Variants in LINGO2 observed in about 807,000 individuals in gnomAD.
LINGO2 encodes the protein leucine-rich repeat and immunoglobulin-like domain-containing nogo receptor-interacting protein 2.
In LINGO2, 14 loss-of-function variants were observed where a neutral mutation model predicts 30.6. The ratio of observed to expected loss-of-function variants is 0.46; its 90% CI spans 0.30 to 0.72. LINGO2 has a LOEUF of 0.72. Ranked by LOEUF, LINGO2 falls within the 30% of genes least tolerant of loss-of-function variation. The probability of loss-of-function intolerance (pLI) is 0.07; values close to 1 mark genes in which losing one functional copy is unlikely to be tolerated. For missense variants in LINGO2, 729 were observed against 751.7 expected (o/e 0.97, Z 0.35); for synonymous variants, 317 against 288.5 (o/e 1.10, Z -1.00).
chr9:28,103,149 G>C (rs977043795), intron 4 of LINGO2, among the ~76,000 whole-genome samples: 17 of 152,250 alleles, frequency 1.1e-4, no homozygotes, highest in Middle Eastern at 3.4e-3. Flanking sequence ...AACTTAAGGT[G>C]TTTAAAGGTA....
At chr9:27,946,714 G>T (rs762491792), downstream of LINGO2, among the ~76,000 whole-genome samples, 14 of 152,110 alleles carry the variant, frequency 9.2e-5, no homozygotes, top group Non-Finnish European at 1.6e-4. Context: ...AGCAGAGCTT[G>T]ATTTGCATTG....
At chr9:28,840,872 C>G in the LINGO2 span, among the ~76,000 whole-genome samples, 1 of 151,766 alleles carries the variant, frequency 6.6e-6, no homozygotes, top group African/African-American at 2.4e-5. Flanking sequence ...ATACATTCTT[C>G]CTCTCATTTA....
chr9:27,985,040 T>A (rs920078207), intron 5 of LINGO2, among the ~76,000 whole-genome samples: 1 of 152,016 alleles, frequency 6.6e-6, no homozygotes, highest in Admixed American at 6.6e-5. Context: ...CACGTTTCTC[T>A]TTGGACTCTG....
intron 5 of LINGO2, among the ~76,000 whole-genome samples, chr9:27,959,182 G>T (rs1436935085): frequency 2.0e-5 from 3 of 151,922 alleles, no homozygotes; most frequent in Non-Finnish European, 4.4e-5. Flanking sequence ...GAGAAATCTA[G>T]AATTTTTTCA....
rs528400235 is a variant in LINGO2, at chr9:28,032,576, A to G, written c.-86-20171T>C. 5.7e-4 allele frequency among the ~76,000 whole-genome samples: 87 copies of G among 152,334 alleles called. 1 individual carries two copies. The highest frequency in any genetic ancestry group is 2.0e-3 in the African/African-American group (83 of 41,578). On this transcript the variant is annotated intron_variant, in intron 4 of 5. Coordinates refer to ENST00000379992, the Ensembl canonical transcript of LINGO2. The stretch of plus-strand genomic sequence containing the variant: ...CTCATTCAGTACTGAAAGCAGCTTG[A>G]CAAAGGAGGCAACATAAATGTTTTT...
Position 28,613,411 on chromosome 9 carries a change from T to C in LINGO2, c.-365+56789A>G, listed in dbSNP as rs1166759569. Among the ~76,000 whole-genome samples the C allele has an allele frequency of 2.0e-5, 3 of 152,078 alleles. No individual in the cohort carries two copies. In the East Asian group the frequency reaches 5.8e-4, roughly 29 times the overall value. The stretch of plus-strand genomic sequence containing the variant: ...GTGTGTGTGTGTATATAGCTACAGA[T>C]AGGTACATATACTACATATATATAT... On this transcript the variant is annotated intron_variant, in intron 1 of 5. Transcript: ENST00000379992.
chr9:28,580,374 A>G (rs982007068), intron 1 of LINGO2, among the ~76,000 whole-genome samples: 7 of 152,110 alleles, frequency 4.6e-5, no homozygotes, highest in Admixed American at 6.6e-5. Flanking sequence ...GTTTTAAGGC[A>G]AAACACTTAA....
the LINGO2 span, among the ~76,000 whole-genome samples, chr9:28,754,043 C>T: frequency 1.3e-5 from 2 of 151,496 alleles, no homozygotes; most frequent in Non-Finnish European, 2.9e-5. Context: ...CACACACACA[C>T]ACACACAATG....
chr9:29,192,884 C>T, the LINGO2 span, among the ~76,000 whole-genome samples: 1 of 152,160 alleles, frequency 6.6e-6, no homozygotes, highest in East Asian at 1.9e-4. Flanking sequence ...AAACCCAGTC[C>T]TTACTGCTCC....
the LINGO2 span, among the ~76,000 whole-genome samples, chr9:29,060,323 C>T: frequency 6.6e-6 from 1 of 151,948 alleles, no homozygotes; most frequent in Non-Finnish European, 1.5e-5. Context: ...TACATGAACC[C>T]ACAAAATTCC....
At chr9:28,621,031 T>C (rs10968683) in intron 1 of LINGO2, among the ~76,000 whole-genome samples, 3 of 151,918 alleles carry the variant, frequency 2.0e-5, no homozygotes, top group African/African-American at 7.2e-5. Flanking sequence ...TCTAAAAATT[T>C]ATTTGGATAT....
At chr9:28,857,130 T>C in the LINGO2 span, among the ~76,000 whole-genome samples, 1 of 152,002 alleles carries the variant, frequency 6.6e-6, no homozygotes, top group South Asian at 2.1e-4. Context: ...TCAGGGATTA[T>C]TTGGGTTTGG....
chr9:28,685,947 G>A, the LINGO2 span, among the ~76,000 whole-genome samples: 2 of 151,360 alleles, frequency 1.3e-5, no homozygotes, highest in African/African-American at 4.9e-5. Context: ...GTGTGTGGGT[G>A]CATGATTTCT....
intron 5 of LINGO2, among the ~76,000 whole-genome samples, chr9:27,955,287 T>C (rs1371144379): frequency 6.6e-6 from 1 of 152,186 alleles, no homozygotes; most frequent in Non-Finnish European, 1.5e-5. Context: ...GACTTTTAGG[T>C]AGTAAAGATT....
intron 4 of LINGO2, among the ~76,000 whole-genome samples, chr9:28,181,940 T>C (rs1421365315): frequency 6.6e-6 from 1 of 152,114 alleles, no homozygotes; most frequent in African/African-American, 2.4e-5. Context: ...ATTGACATTC[T>C]TCACAGAATT....
the LINGO2 span, among the ~76,000 whole-genome samples, chr9:28,861,205 A>AT: frequency 8.6e-6 from 1 of 115,758 alleles, no homozygotes; most frequent in East Asian, 2.2e-4. Context: ...TATATTATAT[A>AT]TTTTTTATAT....
At chr9:28,559,947 A>C (rs376918821) in intron 1 of LINGO2, among the ~76,000 whole-genome samples, 7 of 152,134 alleles carry the variant, frequency 4.6e-5, no homozygotes, top group African/African-American at 1.7e-4. Flanking sequence ...CTATTCTCCA[A>C]CATCTGTACA....
chr9:28,563,842 C>G (rs913538812), intron 1 of LINGO2, among the ~76,000 whole-genome samples: 1 of 152,094 alleles, frequency 6.6e-6, no homozygotes, highest in South Asian at 2.1e-4. Context: ...TAAACCACCT[C>G]CTGAGTTGTT....
At chr9:28,679,359 G>C in the LINGO2 span, among the ~76,000 whole-genome samples, 12 of 152,036 alleles carry the variant, frequency 7.9e-5, no homozygotes, top group Non-Finnish European at 1.6e-4. Flanking sequence ...TTCTAACTTT[G>C]GTTCTGATTT....
Sources: gnomAD v4.1 joint callset for allele counts (sites outside exome capture counted in the v4.1 genomes callset) on GRCh38, gnomAD v4.1.1 for gene constraint, MANE v1.5 for transcripts, NCBI Gene and HGNC (gene_info 2026-07-23, HGNC 2026-07-21) for gene names.